Variants in AK8 observed in about 807,000 individuals in gnomAD.
AK8 encodes the protein adenylate kinase 8, also known as ATP-AMP transphosphorylase 8.
Under a neutral mutation model 54.6 loss-of-function variants are expected in AK8, and 44 were observed. The ratio of observed to expected loss-of-function variants is 0.81; its 90% CI spans 0.63 to 1.04. AK8 has a LOEUF of 1.04. Among genes scored for constraint, AK8 ranks in the 50% least tolerant of loss-of-function variants. The probability of loss-of-function intolerance (pLI) is 0.00; values close to 1 mark genes in which losing one functional copy is unlikely to be tolerated. For missense variants in AK8, 555 were observed against 613.6 expected (o/e 0.90, Z 1.01); for synonymous variants, 239 against 245.6 (o/e 0.97, Z 0.25).
chr9:132,740,694 C>CA (rs1246231975), intron 11 of AK8, among the ~76,000 whole-genome samples: 1 of 151,480 alleles, frequency 6.6e-6, no homozygotes, highest in Non-Finnish European at 1.5e-5. Flanking sequence ...TGGCCTCCTC[C>CA]AGTCTTAGAG....
At chr9:132,830,475 C>T (rs1017178483) in intron 5 of AK8, among the ~76,000 whole-genome samples, 5 of 152,156 alleles carry the variant, frequency 3.3e-5, no homozygotes, top group African/African-American at 7.2e-5. Flanking sequence ...TACAGTATAC[C>T]ACTGCTGCTT....
intron 10 of AK8, 89 bp from the exon 11 acceptor site, chr9:132,792,864 T>G: frequency 6.9e-7 from 1 of 1,456,602 alleles, no homozygotes; most frequent in Non-Finnish European, 9.2e-7. Context: ...TAGATTGAGC[T>G]GCTGAAGAAG....
At chr9:132,800,740 C>T (rs1051440039) in intron 10 of AK8, among the ~76,000 whole-genome samples, 26 of 152,140 alleles carry the variant, frequency 1.7e-4, no homozygotes, top group Admixed American at 1.4e-3. Flanking sequence ...GGGTGCCCTG[C>T]AGACTAGGAG....
chr9:132,865,090 C>T (rs541777867), intron 3 of AK8, among the ~76,000 whole-genome samples: 3 of 152,220 alleles, frequency 2.0e-5, no homozygotes, highest in South Asian at 4.2e-4. Flanking sequence ...TTCATAGCAC[C>T]CTGGAAATGC....
At chr9:132,741,012 A>G (rs1464456773) in intron 11 of AK8, among the ~76,000 whole-genome samples, 4 of 152,160 alleles carry the variant, frequency 2.6e-5, no homozygotes, top group Middle Eastern at 6.8e-3. Context: ...CCTGTTCCCA[A>G]GTGGCACCTG....
At chr9:132,763,554 A>G (rs1748235213) in intron 11 of AK8, among the ~76,000 whole-genome samples, 1 of 152,240 alleles carries the variant, frequency 6.6e-6, no homozygotes, top group South Asian at 2.1e-4. Context: ...TTTTGTACCT[A>G]TCACCAAGTT....
chr9:132,806,512 C>T (rs1027543267), intron 10 of AK8, among the ~76,000 whole-genome samples: 3 of 152,176 alleles, frequency 2.0e-5, no homozygotes, highest in African/African-American at 4.8e-5. Flanking sequence ...CTCAGGGTCT[C>T]CCCTCCACGG....
At chr9:132,743,342 T>G (rs1837485436) in intron 11 of AK8, among the ~76,000 whole-genome samples, 1 of 152,224 alleles carries the variant, frequency 6.6e-6, no homozygotes, top group Non-Finnish European at 1.5e-5. Flanking sequence ...TCCTCGTCAC[T>G]GGTCACTGGA....
chr9:132,725,973 C>G, intron 12 of AK8, 48 bp from the exon 13 acceptor site: 1 of 1,561,480 alleles, frequency 6.4e-7, no homozygotes, highest in Non-Finnish European at 8.8e-7. Flanking sequence ...GGCCTGGAAG[C>G]AGGGGAGAAA....
intron 11 of AK8, among the ~76,000 whole-genome samples, chr9:132,731,474 G>C (rs1446083495): frequency 6.6e-6 from 1 of 152,194 alleles, no homozygotes; most frequent in East Asian, 1.9e-4. Flanking sequence ...GGCACACCCT[G>C]TGTAATCAGC....
intron 9 of AK8, 44 bp from the exon 10 acceptor site, chr9:132,814,771 AG>A: frequency 3.2e-6 from 5 of 1,562,364 alleles, no homozygotes; most frequent in Non-Finnish European, 4.4e-6. Context: ...AATTTTAAAT[AG>A]GAGGAAGGAT....
intron 11 of AK8, among the ~76,000 whole-genome samples, chr9:132,773,672 A>G (rs979314425): frequency 2.0e-5 from 3 of 152,242 alleles, no homozygotes; most frequent in African/African-American, 7.2e-5. Flanking sequence ...CCTGACCAGC[A>G]TCACACAGCC....
At position 132,799,335 on chromosome 9, in the gene AK8, G is replaced by A. The variant is rs911441337; in HGVS notation, c.980-6560C>T. Among the ~76,000 whole-genome samples the A allele has an allele frequency of 1.3e-5, 2 of 152,152 alleles. No individual in the cohort carries two copies. The highest frequency in any genetic ancestry group is 4.8e-5 in the African/African-American group (2 of 41,406). ...AAGGAAATAGCTCCTTCAGCCAGTG[G>A]CTTAAAGATAAAAAACATGCTAAGG... On this transcript the variant is annotated intron_variant, in intron 10 of 12. Coordinates refer to ENST00000298545, the MANE Select transcript of AK8 (RefSeq NM_152572.3). This position sits in a 1 kb window ranked among gnomAD's most constrained non-coding sequence, Gnocchi z 5.0.
rs1023317685 is a variant in AK8, at chr9:132,791,324, C to A, written c.1121+1310G>T. The stretch of plus-strand genomic sequence containing the variant: ...CATGAGAACAGCATGGAGGAAACCG[C>A]CCCCATGATCCGATCACCTCTCACC... On this transcript the variant is annotated intron_variant, in intron 11 of 12. Coordinates refer to ENST00000298545, the MANE Select transcript of AK8 (RefSeq NM_152572.3). The surrounding 1 kb of genome is among the most constrained non-coding windows in gnomAD (Gnocchi z 4.0). Among the ~76,000 whole-genome samples, 3 of 152,104 alleles carry A rather than the reference C, an allele frequency of 2.0e-5. No homozygotes were observed. The highest frequency in any genetic ancestry group is 1.9e-4 in the East Asian group (1 of 5,192).
intron 11 of AK8, among the ~76,000 whole-genome samples, chr9:132,745,307 C>G (rs1040161717): frequency 6.6e-6 from 1 of 152,144 alleles, no homozygotes; most frequent in Non-Finnish European, 1.5e-5. Context: ...TGGGGAACCG[C>G]GGGCTGCCCA....
chr9:132,830,389 C>T (rs1256923221), intron 5 of AK8, among the ~76,000 whole-genome samples: 1 of 152,178 alleles, frequency 6.6e-6, no homozygotes, highest in Non-Finnish European at 1.5e-5. Flanking sequence ...TTTATGAATC[C>T]AATGGCAAAG....
Position 132,878,267 on chromosome 9 carries a change from G to T in AK8, c.-12C>A, listed in dbSNP as rs369890347. On this transcript the variant is annotated 5_prime_UTR_variant, in exon 1 of 13. Transcript: ENST00000298545. The surrounding 1 kb of genome is among the most constrained non-coding windows in gnomAD (Gnocchi z 4.7). ...ATAGTGGCGTCCATGTAGCCGTCTC[G>T]GCTCGCCGCTCCCTAGTAACCGCGT... 35 of 1,354,790 alleles carry T rather than the reference G, an allele frequency of 2.6e-5. 2 individuals are homozygous for T. The Admixed American group carries it at 8.2e-4, about 32-fold the overall frequency. 83.9% of individuals were successfully genotyped at this position (1,354,790 alleles called of 1,614,324 possible).
At chr9:132,844,297 C>CA (rs35309762) in intron 5 of AK8, among the ~76,000 whole-genome samples, 1,681 of 92,558 alleles carry the variant, frequency 0.018, 19 homozygotes, top group African/African-American at 0.033. Flanking sequence ...TGCATTAGAC[C>CA]AAAAAAAAAA....
chr9:132,837,796 G>A lies in AK8; in HGVS notation c.403-9070C>T, dbSNP rs921373646. Among the ~76,000 whole-genome samples the A allele has an allele frequency of 8.5e-5, 13 of 152,122 alleles. No homozygotes were observed. The highest frequency in any genetic ancestry group is 3.1e-4 in the African/African-American group (13 of 41,410). ...TTACAGAAACACCCACAAATAAGGG[G>A]GCACAGGAGGTGTGCTCACTGTGCT... On this transcript the variant is annotated intron_variant, in intron 5 of 12. Transcript: ENST00000298545. The surrounding 1 kb of genome is among the most constrained non-coding windows in gnomAD (Gnocchi z 4.3).
Sources: allele counts gnomAD v4.1 joint callset (sites outside exome capture counted in the v4.1 genomes callset), GRCh38; gene constraint gnomAD v4.1.1; non-coding constraint Gnocchi (gnomAD v3.1); transcripts MANE v1.5; gene names NCBI Gene and HGNC (gene_info 2026-07-23, HGNC 2026-07-21).